The following UBXN2B variants were observed in gnomAD, a reference collection of about 807,000 sequenced individuals.
The protein encoded by UBXN2B is UBX domain protein 2B.
UBXN2B carries 19 observed loss-of-function variants against 37.5 expected under a neutral mutation model. The observed-to-expected ratio is 0.51, with a 90% CI of 0.35 to 0.74. The LOEUF (loss-of-function observed/expected upper bound fraction) is 0.74, where lower values mean the gene tolerates loss of function less well. Ranked by LOEUF, UBXN2B falls within the 30% of genes least tolerant of loss-of-function variation. UBXN2B has a pLI of 0.01. For synonymous variants in UBXN2B, 145 were observed against 143.8 expected (o/e 1.01, Z -0.06); for missense variants, 370 against 393.2 (o/e 0.94, Z 0.50).
At chr8:58,430,020 T>A (rs1002322144) in intron 2 of UBXN2B, among the ~76,000 whole-genome samples, 2 of 152,214 alleles carry the variant, frequency 1.3e-5, no homozygotes, top group Non-Finnish European at 2.9e-5. Flanking sequence ...GGAGTAGGTC[T>A]CTTAAATCCA....
intron 5 of UBXN2B, chr8:58,435,087 T>C (rs1201546272): frequency 2.1e-6 from 3 of 1,431,538 alleles, no homozygotes; most frequent in Non-Finnish European, 2.7e-6. Flanking sequence ...TAAAAGCTTT[T>C]CTGTGTTATG....
In UBXN2B at chr8:58,417,653, G is replaced by A. The variant is rs74987758; in HGVS notation, c.188+700G>A. ...TAGTACTGTAAATACCATCCCTGGGGAAGAAACGTCAGTTTTCCCATTATA... is the reference window on the plus strand; with the variant it reads ...TAGTACTGTAAATACCATCCCTGGGAAAGAAACGTCAGTTTTCCCATTATA... On this transcript the variant is annotated intron_variant, in intron 2 of 7. Transcript: ENST00000399598. 5.9e-3 allele frequency among the ~76,000 whole-genome samples: 897 copies of A among 152,232 alleles called. 5 individuals carry two copies. Among genetic ancestry groups the A allele is most frequent in the Admixed American group, 0.012 (180 of 15,296 alleles).
chr8:58,424,583 T>C, intron 2 of UBXN2B: 1 of 1,070,392 alleles, frequency 9.3e-7, no homozygotes, highest in Non-Finnish European at 1.4e-6. Context: ...TTTTGGCAGA[T>C]TTTCTCATCT....
intron 6 of UBXN2B, among the ~76,000 whole-genome samples, chr8:58,444,414 A>C (rs566919782): frequency 6.6e-6 from 1 of 152,320 alleles, no homozygotes; most frequent in East Asian, 1.9e-4. Context: ...GGTGTTACAG[A>C]ATAAGTGCAG....
rs1267996439 is a variant in UBXN2B at position 58,449,013 on chromosome 8, C to T, written c.*1462C>T. On this transcript the variant is annotated 3_prime_UTR_variant, in exon 8 of 8. Transcript: ENST00000399598. Reference sequence around the variant, plus strand: ...CCACCTTCTACAGGACATCCTCATTCCTTGGCTTGTGACCTCCTTCTTCCA... The same window carrying T: ...CCACCTTCTACAGGACATCCTCATTTCTTGGCTTGTGACCTCCTTCTTCCA... The T allele has an allele frequency of 6.6e-6, 1 of 152,236 alleles. No homozygotes were observed. Among genetic ancestry groups the T allele is most frequent in the Non-Finnish European group, 1.5e-5 (1 of 68,104 alleles). The allele number at this position is 152,236 out of a possible 1,614,324, so 9.4% of individuals were successfully genotyped here.
intron 2 of UBXN2B, among the ~76,000 whole-genome samples, chr8:58,428,435 A>G (rs529599840): frequency 1.6e-4 from 24 of 152,338 alleles, no homozygotes; most frequent in Non-Finnish European, 3.5e-4. Context: ...TTGCATACAA[A>G]GAAAACTGTA....
chr8:58,433,455 T>C (rs566456059), intron 4 of UBXN2B, among the ~76,000 whole-genome samples: 1 of 152,178 alleles, frequency 6.6e-6, no homozygotes, highest in African/African-American at 2.4e-5. Flanking sequence ...GAACTATTTG[T>C]TGAAAGAATG....
chr8:58,431,046 C>G (rs1808258967), intron 3 of UBXN2B, among the ~76,000 whole-genome samples: 1 of 152,168 alleles, frequency 6.6e-6, no homozygotes, highest in African/African-American at 2.4e-5. Flanking sequence ...CTGTCTATGT[C>G]CTTTTATCAC....
chr8:58,442,474 A>G (rs138793334), intron 6 of UBXN2B, among the ~76,000 whole-genome samples: 2 of 152,366 alleles, frequency 1.3e-5, no homozygotes, highest in African/African-American at 4.8e-5. Context: ...AAGCAAGTAA[A>G]ACAGAAATGA....
intron 2 of UBXN2B, chr8:58,425,558 C>T (rs933476232): frequency 3.5e-5 from 37 of 1,071,864 alleles, no homozygotes; most frequent in African/African-American, 4.7e-5. Context: ...TTTTTGTTTT[C>T]TTGCCTTTTA....
chr8:58,425,784 C>T, intron 2 of UBXN2B: 2 of 1,167,936 alleles, frequency 1.7e-6, no homozygotes, highest in Non-Finnish European at 2.6e-6. Context: ...TTGTAATGTT[C>T]CACAAGATCT....
chr8:58,425,331 T>G (rs1275283519), intron 2 of UBXN2B: 1 of 1,158,562 alleles, frequency 8.6e-7, no homozygotes, highest in Non-Finnish European at 1.3e-6. Context: ...AGGAGTTTTC[T>G]TGGAATACCA....
At position 58,441,196 on chromosome 8, in the gene UBXN2B, G is replaced by A. The variant is rs138489340; in HGVS notation, c.671+1426G>A. ...TTTGTAGAGACACGTGTCTTACTAT[G>A]TTGCCCAGGCTGGTCTTGAATTCCT... On this transcript the variant is annotated intron_variant, in intron 6 of 7. Coordinates refer to ENST00000399598, the MANE Select transcript of UBXN2B (RefSeq NM_001077619.2). Among the ~76,000 whole-genome samples the A allele has an allele frequency of 7.1e-3, 1,075 of 151,468 alleles. 66 individuals are homozygous for A. Among genetic ancestry groups the A allele is most frequent in the Admixed American group, 0.062 (947 of 15,242 alleles).
At chr8:58,438,788 G>A (rs757101493) in intron 5 of UBXN2B, among the ~76,000 whole-genome samples, 8 of 152,148 alleles carry the variant, frequency 5.3e-5, no homozygotes, top group Non-Finnish European at 8.8e-5. Context: ...ATTTTGTGAT[G>A]TGAGAAGGAC....
intron 2 of UBXN2B, among the ~76,000 whole-genome samples, chr8:58,429,095 A>G (rs1445562020): frequency 3.3e-5 from 5 of 152,324 alleles, no homozygotes; most frequent in East Asian, 1.9e-4. Flanking sequence ...ATAGGAAATC[A>G]TTTGCTATGA....
chr8:58,422,855 TTG>T (rs1807963179), intron 2 of UBXN2B, among the ~76,000 whole-genome samples: 2 of 152,248 alleles, frequency 1.3e-5, no homozygotes, highest in African/African-American at 4.8e-5. Context: ...GTCTTTCAGC[TTG>T]TCTCAGCTAC....
rs546150627 is a variant in UBXN2B, at chr8:58,416,789, T to C, written c.85-61T>C. On this transcript the variant is annotated intron_variant, in intron 1 of 7. Coordinates refer to ENST00000399598, the MANE Select transcript of UBXN2B (RefSeq NM_001077619.2). ...AAGTTAGTGTTCTATACATAACTTCTAGTTGTATGGAAGAGGTTATTCCTA... is the reference window on the plus strand; with the variant it reads ...AAGTTAGTGTTCTATACATAACTTCCAGTTGTATGGAAGAGGTTATTCCTA... 2.1e-4 allele frequency: 308 copies of C among 1,442,804 alleles called. 1 individual carries two copies. The highest frequency in any genetic ancestry group is 1.3e-3 in the Middle Eastern group (7 of 5,542). 89.4% of individuals were successfully genotyped at this position (1,442,804 alleles called of 1,614,324 possible).
At chr8:58,426,067 A>G in intron 2 of UBXN2B, 1 of 1,388,446 alleles carries the variant, frequency 7.2e-7, no homozygotes, top group Non-Finnish European at 1.0e-6. Flanking sequence ...AGTTCAGAGG[A>G]TATTTAAGCT....
chr8:58,413,760 C>T lies in UBXN2B; in HGVS notation c.84+2291C>T, dbSNP rs542864659. On this transcript the variant is annotated intron_variant, in intron 1 of 7. Transcript: ENST00000399598. ...GCCCCCAGGTTACAAACTGCAGACTCGGAAATGTTTTTTTGCATATCAGAG... is the reference window on the plus strand; with the variant it reads ...GCCCCCAGGTTACAAACTGCAGACTTGGAAATGTTTTTTTGCATATCAGAG... 1.1e-4 allele frequency among the ~76,000 whole-genome samples: 17 copies of T among 152,162 alleles called. No individual in the cohort carries two copies. In the Middle Eastern group the frequency reaches 0.017, roughly 152 times the overall value.
Sources: gnomAD v4.1 joint callset for allele counts (sites outside exome capture counted in the v4.1 genomes callset) on GRCh38, gnomAD v4.1.1 for gene constraint, MANE v1.5 for transcripts, NCBI Gene and HGNC (gene_info 2026-07-23, HGNC 2026-07-21) for gene names.